Variants in PRSS55 observed in about 807,000 individuals in gnomAD.
The protein encoded by PRSS55 is probable serine protease UNQ9391/PRO34284.
In PRSS55, 41 loss-of-function variants were observed where a neutral mutation model predicts 23.6. The observed-to-expected ratio is 1.74, with a 90% CI of 1.35 to 2.26. PRSS55 has a LOEUF of 2.26. PRSS55 is among the 30% of genes most tolerant of loss of function. The pLI, the probability that PRSS55 is intolerant of heterozygous loss-of-function variation, is 0.00. For missense variants in PRSS55, 669 were observed against 439.1 expected, an observed-to-expected ratio of 1.52 and a Z score of -4.68; for synonymous variants, 262 against 175.5, an observed-to-expected ratio of 1.49 and a Z score of -3.90.
chr8:10,530,729 C>G (rs1399722300), intron 2 of PRSS55, among the ~76,000 whole-genome samples: 2 of 152,196 alleles, frequency 1.3e-5, no homozygotes, highest in Non-Finnish European at 2.9e-5. Flanking sequence ...AATCAAAAAC[C>G]CGGGGACAGT....
At chr8:10,548,128 T>C (rs1487767611) in intron 4 of PRSS55, among the ~76,000 whole-genome samples, 1 of 152,176 alleles carries the variant, frequency 6.6e-6, no homozygotes, top group Non-Finnish European at 1.5e-5. Context: ...TCCCAGAGCT[T>C]TGCAGAATGA....
intron 4 of PRSS55, among the ~76,000 whole-genome samples, chr8:10,548,047 G>C (rs1009443824): frequency 6.6e-6 from 1 of 152,248 alleles, no homozygotes; most frequent in Admixed American, 6.5e-5. Context: ...TGGAGGACAG[G>C]AGGCTCAGGA....
chr8:10,552,923 A>G (rs2117089760), intron 4 of PRSS55, among the ~76,000 whole-genome samples: 1 of 152,386 alleles, frequency 6.6e-6, no homozygotes. Context: ...CGGGGTATCT[A>G]TTCAAAGGAA....
At chr8:10,543,969 T>G (rs925960815) in intron 4 of PRSS55, among the ~76,000 whole-genome samples, 20 of 152,222 alleles carry the variant, frequency 1.3e-4, no homozygotes, top group Admixed American at 1.1e-3. Context: ...GAATATTTTA[T>G]GTACTGTATT....
intron 2 of PRSS55, 56 bp downstream of exon 2, chr8:10,529,755 C>T (rs1456652643): frequency 6.5e-5 from 100 of 1,541,478 alleles, no homozygotes; most frequent in Non-Finnish European, 8.7e-5. Context: ...CCTGGGGCAC[C>T]CTCCCCCTCA....
downstream of PRSS55, chr8:10,541,019 G>T (rs910546680): frequency 6.5e-6 from 1 of 152,714 alleles, no homozygotes; most frequent in Non-Finnish European, 1.5e-5. Context: ...GGGGGCTGGG[G>T]TGGGCATAGA....
chr8:10,528,684 C>A (rs1282188681), intron 1 of PRSS55, among the ~76,000 whole-genome samples: 3 of 152,194 alleles, frequency 2.0e-5, no homozygotes, highest in African/African-American at 7.2e-5. Flanking sequence ...TTTCTTAGGG[C>A]TGCTGAAATG....
At chr8:10,538,220 T>C (rs2117049963) in intron 4 of PRSS55, among the ~76,000 whole-genome samples, 1 of 152,258 alleles carries the variant, frequency 6.6e-6, no homozygotes, top group South Asian at 2.1e-4. Context: ...GAGTGGTCTT[T>C]TCTTACCAAG....
chr8:10,543,714 A>G (rs944228611), downstream of PRSS55, among the ~76,000 whole-genome samples: 4 of 96,868 alleles, frequency 4.1e-5, no homozygotes, highest in Non-Finnish European at 9.8e-5. Flanking sequence ...TGCATCACAT[A>G]TGTTTTTGTG....
At chr8:10,549,095 T>C (rs1563550877) in intron 4 of PRSS55, among the ~76,000 whole-genome samples, 1 of 152,158 alleles carries the variant, frequency 6.6e-6, no homozygotes, top group Non-Finnish European at 1.5e-5. Flanking sequence ...ACCTGACCCT[T>C]GACAGAAAAC....
chr8:10,538,925 C>G (rs1028834568), downstream of PRSS55: 4 of 894,412 alleles, frequency 4.5e-6, no homozygotes, highest in Non-Finnish European at 6.6e-6. Flanking sequence ...GAGAGTCACC[C>G]TGGGTCCCTG....
At chr8:10,525,763 A>G in intron 1 of PRSS55, 24 bp downstream of exon 1, 4 of 1,569,026 alleles carry the variant, frequency 2.5e-6, no homozygotes, top group Non-Finnish European at 2.6e-6. Context: ...CAGAAGGGGC[A>G]TGGATGGGGG....
intron 1 of PRSS55, 38 bp downstream of exon 1, chr8:10,525,777 A>G: frequency 6.5e-7 from 1 of 1,548,342 alleles, no homozygotes; most frequent in Non-Finnish European, 8.8e-7. Flanking sequence ...ATGGGGGCTC[A>G]TGGTCCAGCT....
At chr8:10,527,457 A>T (rs1012363461) in intron 1 of PRSS55, among the ~76,000 whole-genome samples, 3 of 152,242 alleles carry the variant, frequency 2.0e-5, no homozygotes, top group Non-Finnish European at 2.9e-5. Context: ...ATAATGTAGG[A>T]GTTGATGTAA....
downstream of PRSS55, among the ~76,000 whole-genome samples, chr8:10,543,778 G>A (rs1358449741): frequency 1.3e-5 from 2 of 151,514 alleles, no homozygotes; most frequent in African/African-American, 2.4e-5. Context: ...TCCCATGTAA[G>A]CTCTTTTTAC....
intron 4 of PRSS55, among the ~76,000 whole-genome samples, chr8:10,536,781 G>A (rs570867429): frequency 7.9e-5 from 12 of 152,226 alleles, no homozygotes; most frequent in African/African-American, 1.7e-4. Flanking sequence ...ACCAAATATC[G>A]CATGTTCTCA....
At position 10,538,782 on chromosome 8, in the gene PRSS55, A is replaced by G; in HGVS notation, c.1048A>G (p.Ile350Val). Residue 350 changes from isoleucine to valine, a missense_variant, in exon 5 of 5, where the codon ATT becomes GTT. Transcript: ENST00000328655. ...CPLSHVLFRAILY is the reference protein window; with the variant it reads ...CPLSHVLFRAVLY ...CCTGTCCCATGTGTTGTTCAGAGCT[A>G]TTTTGTACTGATAATAAAATAGAGG... is the stretch of plus-strand genomic sequence containing the variant. The G allele has an allele frequency of 6.4e-7, 1 of 1,564,316 alleles. No homozygotes were observed. The highest frequency in any genetic ancestry group is 1.2e-5 in the South Asian group (1 of 82,836).
chr8:10,547,738 C>T (rs1387308054), intron 4 of PRSS55, among the ~76,000 whole-genome samples: 2 of 140,590 alleles, frequency 1.4e-5, no homozygotes, highest in Admixed American at 7.0e-5. Flanking sequence ...CACCCCCCGC[C>T]CCGCCCCGCC....
chr8:10,551,168 C>T (rs1296785754), intron 4 of PRSS55, among the ~76,000 whole-genome samples: 1 of 152,138 alleles, frequency 6.6e-6, no homozygotes, highest in Non-Finnish European at 1.5e-5. Context: ...GCTCAACAAG[C>T]AATAAAGGTC....
Sources: allele counts gnomAD v4.1 joint callset (sites outside exome capture counted in the v4.1 genomes callset), GRCh38; gene constraint gnomAD v4.1.1; transcripts MANE v1.5; gene names NCBI Gene and HGNC (gene_info 2026-07-23, HGNC 2026-07-21).